Variants in CHL1 observed in about 807,000 individuals in gnomAD.
The protein encoded by CHL1 is neural cell adhesion molecule L1-like protein.
A neutral mutation model predicts 141.9 loss-of-function variants in CHL1; 96 were observed. The observed-to-expected ratio is 0.68, with a 90% CI of 0.57 to 0.80. CHL1 has a LOEUF of 0.80. Ranked by LOEUF, CHL1 falls within the 30% of genes least tolerant of loss-of-function variation. The pLI is 0.00. For synonymous variants in CHL1, 613 were observed against 502.2 expected (o/e 1.22, Z -2.95); for missense variants, 1,820 against 1,457.2 (o/e 1.25, Z -4.05).
chr3:341,210 C>T (rs1278603890), intron 6 of CHL1, among the ~76,000 whole-genome samples: 1 of 152,136 alleles, frequency 6.6e-6, no homozygotes, highest in Non-Finnish European at 1.5e-5. Context: ...TAATTGCAGT[C>T]ACCTACCAGG....
At chr3:263,787 A>T (rs1394518021) in intron 2 of CHL1, among the ~76,000 whole-genome samples, 1 of 152,218 alleles carries the variant, frequency 6.6e-6, no homozygotes, top group African/African-American at 2.4e-5. Flanking sequence ...ATATTGGCCT[A>T]GGGAATGTTG....
intron 1 of CHL1, among the ~76,000 whole-genome samples, chr3:210,892 C>G (rs551370527): frequency 6.6e-6 from 1 of 152,128 alleles, no homozygotes; most frequent in South Asian, 2.1e-4. Context: ...GGCTGAAGTG[C>G]CCTGGTTTTG....
chr3:253,371 A>G (rs1693881038), intron 2 of CHL1, among the ~76,000 whole-genome samples: 1 of 152,184 alleles, frequency 6.6e-6, no homozygotes, highest in Admixed American at 6.6e-5. Context: ...GAAGTAACAG[A>G]GCTGGTATCA....
intron 2 of CHL1, among the ~76,000 whole-genome samples, chr3:301,077 A>C (rs1698684516): frequency 6.6e-6 from 1 of 152,174 alleles, no homozygotes; most frequent in Admixed American, 6.6e-5. Context: ...ATGCCATTGA[A>C]GGTTTCCATT....
chr3:223,823 G>A (rs1385412167), intron 1 of CHL1, among the ~76,000 whole-genome samples: 1 of 152,148 alleles, frequency 6.6e-6, no homozygotes, highest in Non-Finnish European at 1.5e-5. Context: ...ATGCTGATAG[G>A]TTGGGGCAGG....
Position 394,876 on chromosome 3 carries a change from A to C in CHL1, c.3094+4A>C. The C allele has an allele frequency of 6.3e-7, 1 of 1,597,294 alleles. No homozygotes were observed. Among genetic ancestry groups the C allele is most frequent in the Non-Finnish European group, 8.5e-7 (1 of 1,174,796 alleles). On this transcript the variant is annotated splice_donor_region_variant and intron_variant, in intron 24 of 27. Transcript: ENST00000256509. Reference sequence around the variant, plus strand: ...AGCTCCACCTTAGGAGAAGGGAGTAAGTACATGAGGCTTCTCTTTTTAATA... The same window carrying C: ...AGCTCCACCTTAGGAGAAGGGAGTACGTACATGAGGCTTCTCTTTTTAATA...
At chr3:315,479 G>A (rs1700090361) in intron 2 of CHL1, among the ~76,000 whole-genome samples, 1 of 152,130 alleles carries the variant, frequency 6.6e-6, no homozygotes, top group African/African-American at 2.4e-5. Flanking sequence ...TTTAAATTAA[G>A]GGAGCAAGTT....
At chr3:207,900 C>T (rs1699577040) in intron 1 of CHL1, among the ~76,000 whole-genome samples, 1 of 152,112 alleles carries the variant, frequency 6.6e-6, no homozygotes, top group South Asian at 2.1e-4. Flanking sequence ...ATTAAAGGAC[C>T]AAGCACTGAG....
At chr3:392,583 T>C (rs564268829) in intron 23 of CHL1, among the ~76,000 whole-genome samples, 3 of 152,140 alleles carry the variant, frequency 2.0e-5, no homozygotes, top group Admixed American at 6.5e-5. Context: ...TTATAGAAAA[T>C]TTTATCAACA....
At chr3:261,998 C>A in intron 2 of CHL1, among the ~76,000 whole-genome samples, 1 of 107,958 alleles carries the variant, frequency 9.3e-6, no homozygotes, top group Non-Finnish European at 2.0e-5. Context: ...ACTCACAGGG[C>A]AGGATTCACA....
chr3:306,970 CA>C (rs1305407523), intron 2 of CHL1, among the ~76,000 whole-genome samples: 4 of 152,166 alleles, frequency 2.6e-5, no homozygotes, highest in African/African-American at 9.7e-5. Flanking sequence ...ACTTTAAATA[CA>C]ACCTGAGAAA....
intron 2 of CHL1, among the ~76,000 whole-genome samples, chr3:316,099 G>T (rs953887275): frequency 1.3e-5 from 2 of 151,928 alleles, no homozygotes; most frequent in African/African-American, 4.8e-5. Flanking sequence ...TATGTGAATG[G>T]GCTTTCCAGT....
In CHL1 at chr3:373,426, G is replaced by A. The variant is rs546998304; in HGVS notation, c.1752-4392G>A. On this transcript the variant is annotated intron_variant, in intron 15 of 27. Coordinates refer to ENST00000256509, the MANE Select transcript of CHL1 (RefSeq NM_006614.4). Reference sequence around the variant, plus strand: ...GATTCTGCCACAGTGGGTGTGTTGGGCTGTGGGGGACGTGTCTTGGGACCA... The same window carrying A: ...GATTCTGCCACAGTGGGTGTGTTGGACTGTGGGGGACGTGTCTTGGGACCA... Among the ~76,000 whole-genome samples the A allele has an allele frequency of 3.3e-5, 5 of 152,370 alleles. No individual in the cohort carries two copies. In the South Asian group the frequency reaches 1.0e-3, roughly 32 times the overall value.
rs891467576 is a variant in CHL1, at chr3:238,794, G to A, written c.-174-5819G>A. Among the ~76,000 whole-genome samples the A allele has an allele frequency of 5.3e-5, 8 of 151,482 alleles. No homozygotes were observed. In the East Asian group the frequency reaches 5.8e-4, roughly 11 times the overall value. Reference sequence around the variant, plus strand: ...ACAAAAAAAAAAAAAATAGCTGGATGTGGTGGCGGGTGTCTGTAATCCCAG... The same window carrying A: ...ACAAAAAAAAAAAAAATAGCTGGATATGGTGGCGGGTGTCTGTAATCCCAG... On this transcript the variant is annotated intron_variant, in intron 1 of 27. Transcript: ENST00000256509.
chr3:296,172 C>T (rs141232393), intron 2 of CHL1, among the ~76,000 whole-genome samples: 5 of 152,184 alleles, frequency 3.3e-5, no homozygotes, highest in South Asian at 2.1e-4. Flanking sequence ...ATATCCCGTA[C>T]GCACTTAGTA....
chr3:333,761 A>C (rs1295570760), intron 5 of CHL1, among the ~76,000 whole-genome samples: 1 of 152,206 alleles, frequency 6.6e-6, no homozygotes, highest in Non-Finnish European at 1.5e-5. Context: ...CTGGAAAGGA[A>C]GGGAGCTACT....
chr3:354,666 C>G lies in CHL1; in HGVS notation c.1060C>G (p.Gln354Glu), dbSNP rs934595852. 1 of 1,613,628 alleles carries G rather than the reference C, an allele frequency of 6.2e-7. No homozygotes were observed. Among genetic ancestry groups the G allele is most frequent in the African/African-American group, 1.3e-5 (1 of 75,016 alleles). The change falls in exon 11 of 28, where the codon CAG becomes GAG. Residue 354 changes from glutamine (Q) to glutamate (E), a missense_variant. Coordinates refer to ENST00000256509, the MANE Select transcript of CHL1 (RefSeq NM_006614.4). ...GCCTCCTCGCTGGACAAAGAAGCCT[C>G]AGAGTGCTGTGTATAGCACCGGAAG... ...EEPPRWTKKP[Q>E]SAVYSTGSNG...
intron 2 of CHL1, among the ~76,000 whole-genome samples, chr3:312,466 AG>A (rs1283219486): frequency 6.6e-6 from 1 of 152,242 alleles, no homozygotes; most frequent in East Asian, 1.9e-4. Flanking sequence ...TTATGGTATT[AG>A]CCAGGCAGGT....
chr3:252,392 A>ATG (rs1325688462), intron 2 of CHL1, among the ~76,000 whole-genome samples: 2,107 of 136,284 alleles, frequency 0.015, 92 homozygotes, highest in African/African-American at 0.053. Flanking sequence ...ATATATATAT[A>ATG]TATATATATT....
Sources: gnomAD v4.1 joint callset for allele counts (sites outside exome capture counted in the v4.1 genomes callset) on GRCh38, gnomAD v4.1.1 for gene constraint, MANE v1.5 for transcripts, NCBI Gene and HGNC (gene_info 2026-07-23, HGNC 2026-07-21) for gene names.